NOS1: variants seen among roughly 807,000 people sequenced by gnomAD.
NOS1 encodes NOS type I.
Under a neutral mutation model 164.5 loss-of-function variants are expected in NOS1, and 51 were observed. The observed-to-expected ratio is 0.31, with a 90% CI of 0.25 to 0.39. The LOEUF (loss-of-function observed/expected upper bound fraction) is 0.39, where lower values mean the gene tolerates loss of function less well. Among genes scored for constraint, NOS1 ranks in the 10% least tolerant of loss-of-function variants. The pLI, the probability that NOS1 is intolerant of heterozygous loss-of-function variation, is 1.00. For synonymous variants in NOS1, 719 were observed against 745.8 expected (o/e 0.96, Z 0.59); for missense variants, 1,362 against 1,885.6 (o/e 0.72, Z 5.14).
chr12:117,234,814 T>C lies in NOS1; in HGVS notation c.3042-56A>G. On this transcript the variant is annotated intron_variant, in intron 20 of 28. Coordinates refer to ENST00000317775, the MANE Select transcript of NOS1 (RefSeq NM_000620.5). The surrounding 1 kb of genome is among the most constrained non-coding windows in gnomAD (Gnocchi z 4.3). ...AAGGGCCAGCAGCTACTTCCTCCTT[T>C]TTTTGCTCTTCTGTCTGTCCTTGTT... 1 of 1,470,418 alleles carries C rather than the reference T, an allele frequency of 6.8e-7. No individual in the cohort carries two copies. Among genetic ancestry groups the C allele is most frequent in the Non-Finnish European group, 9.2e-7 (1 of 1,084,206 alleles). 91.1% of individuals were successfully genotyped at this position (1,470,418 alleles called of 1,614,324 possible).
intron 2 of NOS1, among the ~76,000 whole-genome samples, chr12:117,326,002 T>C (rs1875226670): frequency 6.6e-6 from 1 of 152,154 alleles, no homozygotes; most frequent in African/African-American, 2.4e-5. Context: ...ACTGGATCCA[T>C]GAATTAGCAT....
At chr12:117,317,172 C>A (rs567627615) in intron 2 of NOS1, among the ~76,000 whole-genome samples, 1 of 152,014 alleles carries the variant, frequency 6.6e-6, no homozygotes, top group Non-Finnish European at 1.5e-5. Context: ...TGAGCCACTG[C>A]GCCTGGCCTG....
At chr12:117,248,998 T>C (rs992398333) in intron 17 of NOS1, among the ~76,000 whole-genome samples, 4 of 152,220 alleles carry the variant, frequency 2.6e-5, no homozygotes, top group African/African-American at 9.7e-5. Flanking sequence ...ATGTCTTCTT[T>C]TGAGAAGTGT....
Position 117,285,251 on chromosome 12 carries a change from C to T in NOS1, c.1372G>A (p.Gly458Arg). The T allele has an allele frequency of 6.2e-7, 1 of 1,610,818 alleles. No individual in the cohort carries two copies. Among genetic ancestry groups the T allele is most frequent in the East Asian group, 2.2e-5 (1 of 44,740 alleles). The stretch of plus-strand genomic sequence containing the variant: ...AGCTGGTCAGCTCACCTGAGGTTCC[C>T]TTTGTTGGTGGCATACTTGACATGG... ...CNHVKYATNK[G>R]NLRSAITIFP... is the part of the protein sequence containing the mutation. The change falls in exon 7 of 29, where the codon GGG becomes AGG. Residue 458 changes from glycine (G) to arginine (R), a missense_variant. Gly to Arg is a moderately radical substitution (Grantham distance 125). This residue lies in a region of NOS1 where 134 missense variants were observed against 267.3 expected (regional missense o/e 0.50). Coordinates refer to ENST00000317775, the MANE Select transcript of NOS1 (RefSeq NM_000620.5).
intron 2 of NOS1, among the ~76,000 whole-genome samples, chr12:117,316,939 G>A (rs1874695432): frequency 6.6e-6 from 1 of 152,254 alleles, no homozygotes; most frequent in East Asian, 1.9e-4. Flanking sequence ...GGAGTGCAGT[G>A]GCACGATCTC....
chr12:117,293,653 T>TA (rs1156948485), intron 3 of NOS1, among the ~76,000 whole-genome samples: 2 of 151,558 alleles, frequency 1.3e-5, no homozygotes, highest in East Asian at 3.9e-4. Flanking sequence ...GTATTACTTG[T>TA]ATATTATTAC....
chr12:117,288,087 A>T lies in NOS1; in HGVS notation c.1114T>A (p.Ser372Thr). The T allele has an allele frequency of 6.2e-7, 1 of 1,614,186 alleles. No individual in the cohort carries two copies. Among genetic ancestry groups the T allele is most frequent in the South Asian group, 1.1e-5 (1 of 91,084 alleles). Residue 372 changes from serine (S) to threonine (T), a missense_variant, in exon 5 of 29, where the codon TCA (serine) becomes ACA (threonine). This residue lies in a region of NOS1 where 129 missense variants were observed against 186.0 expected (regional missense o/e 0.69). Transcript: ENST00000317775. ...ACACACACTTGCCTTTTAATTGATG[A>T]ATAGTATTGATCAATAAACTCTTTG... ...LAKEFIDQYY[S>T]SIKRFGSKAH...
At chr12:117,304,120 C>T (rs573876858) in intron 3 of NOS1, among the ~76,000 whole-genome samples, 5 of 151,884 alleles carry the variant, frequency 3.3e-5, no homozygotes, top group Admixed American at 6.6e-5. Flanking sequence ...TGCAGTGAGC[C>T]GAGATCAGGC....
At chr12:117,298,867 C>T (rs1012795205) in intron 3 of NOS1, among the ~76,000 whole-genome samples, 7 of 152,340 alleles carry the variant, frequency 4.6e-5, no homozygotes, top group African/African-American at 1.7e-4. Flanking sequence ...TTACAGCAGC[C>T]CTAGTAAACT....
intron 22 of NOS1, among the ~76,000 whole-genome samples, chr12:117,229,112 C>T (rs1255282496): frequency 4.6e-5 from 7 of 152,198 alleles, no homozygotes; most frequent in African/African-American, 1.7e-4. Context: ...CGATGGCATC[C>T]TTGACATTGT....
In NOS1 at chr12:117,243,460, T is replaced by C. The variant is rs563602348; in HGVS notation, c.2824-25A>G. 18 of 1,612,086 alleles carry C rather than the reference T, an allele frequency of 1.1e-5. No homozygotes were observed. The highest frequency in any genetic ancestry group is 8.9e-5 in the East Asian group (4 of 44,810). The stretch of plus-strand genomic sequence containing the variant: ...CCTGTGGTGTACACAAGGCTTTCAG[T>C]GACCTCTTTCAGCCAAGCGGATCTC... On this transcript the variant is annotated intron_variant, in intron 18 of 28. Transcript: ENST00000317775. The surrounding 1 kb of genome is among the most constrained non-coding windows in gnomAD (Gnocchi z 4.3).
chr12:117,256,284 G>GTTGTGTTTTTTTTTTTT (rs549611283), intron 16 of NOS1, among the ~76,000 whole-genome samples: 2 of 118,488 alleles, frequency 1.7e-5, no homozygotes, highest in Admixed American at 1.0e-4. Flanking sequence ...GGGATTTTCT[G>GTTGTGTTTTTTTTTTTT]TTTTTTTTTT....
chr12:117,342,579 C>A (rs1473351667), intron 1 of NOS1, among the ~76,000 whole-genome samples: 1 of 152,042 alleles, frequency 6.6e-6, no homozygotes, highest in East Asian at 1.9e-4. Flanking sequence ...AGCCATGTCA[C>A]GAGATAAATC....
chr12:117,245,497 G>A (rs1870547354), intron 18 of NOS1: 1 of 152,122 alleles, frequency 6.6e-6, no homozygotes, highest in South Asian at 2.1e-4. Flanking sequence ...ACTGAGCAAT[G>A]GGATTTTTTT....
rs1473302490 is a variant in NOS1 at position 117,272,966 on chromosome 12, CT to C, written c.1665-408del. 1.3e-5 allele frequency among the ~76,000 whole-genome samples: 2 copies of C among 151,968 alleles called. No homozygotes were observed. The highest frequency in any genetic ancestry group is 2.9e-5 in the Non-Finnish European group (2 of 67,978). On this transcript the variant is annotated intron_variant, in intron 9 of 28. Transcript: ENST00000317775. This position sits in a 1 kb window ranked among gnomAD's most constrained non-coding sequence, Gnocchi z 4.3. ...TGTCACCCAAACTTCTTCTTTCTTT[CT>C]TTTTTTTGGGGGGTAGGGGAATGCA...
In NOS1 at chr12:117,211,704, A is replaced by G. The variant is rs533006052; in HGVS notation, c.*3605T>C. Reference sequence around the variant, plus strand: ...TCTTACCTTCCAGAAGCTACCAGTGAAATCCCGCCCATTTCTCAAACCCCA... The same window carrying G: ...TCTTACCTTCCAGAAGCTACCAGTGGAATCCCGCCCATTTCTCAAACCCCA... On this transcript the variant is annotated 3_prime_UTR_variant, in exon 29 of 29. Coordinates refer to ENST00000317775, the MANE Select transcript of NOS1 (RefSeq NM_000620.5). The G allele has an allele frequency of 4.3e-5, 42 of 985,500 alleles. No individual in the cohort carries two copies. In the African/African-American group the frequency reaches 7.0e-4, roughly 16 times the overall value. 61.0% of individuals were successfully genotyped at this position (985,500 alleles called of 1,614,324 possible). A position where few individuals can be genotyped will look rare whatever the true frequency, so the allele number is the denominator to read the frequency against.
intron 1 of NOS1, among the ~76,000 whole-genome samples, chr12:117,345,376 C>T (rs1017639257): frequency 2.6e-5 from 4 of 152,010 alleles, no homozygotes; most frequent in African/African-American, 9.7e-5. Context: ...TAAATTATTG[C>T]CCAACAGTCA....
rs562461212 is a variant in NOS1 at position 117,341,302 on chromosome 12, C to T, written c.-420-9813G>A. Reference sequence around the variant, plus strand: ...GCTGCAAAAGCAGGATTCAGTTTGTCGGAACACGGCACATGAAAGATGCAT... The same window carrying T: ...GCTGCAAAAGCAGGATTCAGTTTGTTGGAACACGGCACATGAAAGATGCAT... On this transcript the variant is annotated intron_variant, in intron 1 of 28. Coordinates refer to ENST00000317775, the MANE Select transcript of NOS1 (RefSeq NM_000620.5). Among the ~76,000 whole-genome samples the T allele has an allele frequency of 2.0e-4, 31 of 152,146 alleles. 1 individual carries two copies. The highest frequency in any genetic ancestry group is 5.5e-4 in the African/African-American group (23 of 41,514).
chr12:117,209,646 C>T lies in NOS1; in HGVS notation c.*5663G>A, dbSNP rs945059425. 95 of 985,368 alleles carry T rather than the reference C, an allele frequency of 9.6e-5. 1 individual carries two copies. The highest frequency in any genetic ancestry group is 1.1e-4 in the Non-Finnish European group (88 of 829,958). 61.0% of individuals were successfully genotyped at this position (985,368 alleles called of 1,614,324 possible). ...ATATAAACATACTAAGGCATATTGA[C>T]AGCTGACCACCTCCCTCGCACATGG... On this transcript the variant is annotated 3_prime_UTR_variant, in exon 29 of 29. Transcript: ENST00000317775.
Sources: allele counts gnomAD v4.1 joint callset (sites outside exome capture counted in the v4.1 genomes callset), GRCh38; gene constraint gnomAD v4.1.1; regional missense constraint gnomAD v4.1.1; non-coding constraint Gnocchi (gnomAD v3.1); transcripts MANE v1.5; gene names NCBI Gene and HGNC (gene_info 2026-07-23, HGNC 2026-07-21).